ARHGAP21: variants seen among roughly 807,000 people sequenced by gnomAD.
ARHGAP21 encodes the protein Rho GTPase activating protein 21, also known as rho GTPase-activating protein 21.
Under a neutral mutation model 164.6 loss-of-function variants are expected in ARHGAP21, and 38 were observed. That is an observed-to-expected ratio of 0.23 (90% confidence interval 0.18 to 0.30). The LOEUF (loss-of-function observed/expected upper bound fraction) is 0.30. Ranked by LOEUF, ARHGAP21 falls within the 10% of genes least tolerant of loss-of-function variation. ARHGAP21 has a pLI of 1.00. For synonymous variants in ARHGAP21, 766 were observed against 857.9 expected (o/e 0.89, Z 1.87); for missense variants, 1,822 against 2,370.7 (o/e 0.77, Z 4.81).
At chr10:24,673,949 A>T (rs893666434) in intron 2 of ARHGAP21, among the ~76,000 whole-genome samples, 4 of 152,260 alleles carry the variant, frequency 2.6e-5, no homozygotes, top group Non-Finnish European at 4.4e-5. Flanking sequence ...GAAAATCTTT[A>T]TGAACTTAGG....
chr10:24,663,303 G>T (rs1232960526), intron 4 of ARHGAP21, among the ~76,000 whole-genome samples: 1 of 152,278 alleles, frequency 6.6e-6, no homozygotes, highest in Non-Finnish European at 1.5e-5. Flanking sequence ...AACTATAGCA[G>T]TAACTCAATT....
At chr10:24,606,700 C>G (rs926073132) in intron 11 of ARHGAP21, among the ~76,000 whole-genome samples, 8 of 152,026 alleles carry the variant, frequency 5.3e-5, no homozygotes, top group Non-Finnish European at 8.8e-5. Flanking sequence ...AAGATACAAA[C>G]TTAGGTGGCA....
chr10:24,629,901 T>G (rs1284873730), intron 7 of ARHGAP21, 95 bp downstream of exon 7: 3 of 912,364 alleles, frequency 3.3e-6, no homozygotes, highest in Non-Finnish European at 5.3e-6. Context: ...TTCTAGAATT[T>G]TTTTTAAATT....
intron 2 of ARHGAP21, among the ~76,000 whole-genome samples, chr10:24,716,828 C>A (rs1451698773): frequency 6.6e-6 from 1 of 152,128 alleles, no homozygotes; most frequent in African/African-American, 2.4e-5. Flanking sequence ...GATGCCTGGC[C>A]TGGAAGGATG....
chr10:24,634,944 A>G, intron 5 of ARHGAP21, 67 bp downstream of exon 5: 1 of 1,228,350 alleles, frequency 8.1e-7, no homozygotes, highest in Non-Finnish European at 1.1e-6. Context: ...AATATCGAAC[A>G]TGAAATATGG....
chr10:24,611,970 T>C (rs2077281705), intron 9 of ARHGAP21, among the ~76,000 whole-genome samples: 2 of 152,230 alleles, frequency 1.3e-5, no homozygotes, highest in South Asian at 4.2e-4. Flanking sequence ...TAACACCCAA[T>C]GTCCACTGTT....
intron 2 of ARHGAP21, among the ~76,000 whole-genome samples, chr10:24,686,120 TATAA>T (rs1842184102): frequency 1.3e-5 from 2 of 151,940 alleles, no homozygotes; most frequent in Non-Finnish European, 1.5e-5. Flanking sequence ...CATTCCAAGG[TATAA>T]ATAACTCAAA....
rs1845987678 is a variant in ARHGAP21, at chr10:24,722,053, G to C, written c.-154C>G. On this transcript the variant is annotated 5_prime_UTR_variant, in exon 2 of 26. Coordinates refer to ENST00000396432, the MANE Select transcript of ARHGAP21 (RefSeq NM_020824.4). Reference sequence around the variant, plus strand: ...ACAGACAACGTGCCAGGGAATAAAGGTTTTCAGGAAGCGCCTTCAAATGCC... The same window carrying C: ...ACAGACAACGTGCCAGGGAATAAAGCTTTTCAGGAAGCGCCTTCAAATGCC... 7.9e-6 allele frequency: 6 copies of C among 762,202 alleles called. No individual in the cohort carries two copies. Among genetic ancestry groups the C allele is most frequent in the Non-Finnish European group, 1.3e-5 (6 of 451,476 alleles). The allele number at this position is 762,202 out of a possible 1,614,324, so 47.2% of individuals were successfully genotyped here.
chr10:24,701,538 C>CTT (rs1593337042), intron 2 of ARHGAP21, among the ~76,000 whole-genome samples: 1 of 152,094 alleles, frequency 6.6e-6, no homozygotes, highest in East Asian at 1.9e-4. Flanking sequence ...GAAAGCAAAG[C>CTT]AGCAGGCTAT....
chr10:24,647,931 G>A (rs1342302984), intron 4 of ARHGAP21, among the ~76,000 whole-genome samples: 1 of 152,154 alleles, frequency 6.6e-6, no homozygotes, highest in African/African-American at 2.4e-5. Flanking sequence ...TCTGCCTCTT[G>A]GGTTCAAGTG....
At chr10:24,679,128 A>G (rs895087950) in intron 2 of ARHGAP21, among the ~76,000 whole-genome samples, 1 of 152,250 alleles carries the variant, frequency 6.6e-6, no homozygotes, top group African/African-American at 2.4e-5. Context: ...TAAATGTCCA[A>G]GAGTGCTACT....
In ARHGAP21 at chr10:24,715,305, C is replaced by T. The variant is rs930194987; in HGVS notation, c.63+6532G>A. On this transcript the variant is annotated intron_variant, in intron 2 of 25. Transcript: ENST00000396432. Reference sequence around the variant, plus strand: ...ACAACTGTTAACATTTCATCACGGTCAATGTTTGTGATCTTTTTTTAACTG... The same window carrying T: ...ACAACTGTTAACATTTCATCACGGTTAATGTTTGTGATCTTTTTTTAACTG... Among the ~76,000 whole-genome samples the T allele has an allele frequency of 2.6e-5, 4 of 152,024 alleles. No individual in the cohort carries two copies. The East Asian group carries it at 7.7e-4, about 29-fold the overall frequency.
intron 4 of ARHGAP21, among the ~76,000 whole-genome samples, chr10:24,641,401 A>G (rs998361392): frequency 7.9e-5 from 12 of 152,146 alleles, no homozygotes; most frequent in Non-Finnish European, 1.8e-4. Context: ...TGCAGGTGAC[A>G]GCTAGCACTT....
intron 2 of ARHGAP21, among the ~76,000 whole-genome samples, chr10:24,686,135 T>C (rs1342192021): frequency 6.6e-6 from 1 of 152,080 alleles, no homozygotes; most frequent in East Asian, 1.9e-4. Context: ...ATAACTCAAA[T>C]TGGAAACTAC....
At chr10:24,698,593 T>C (rs1047276974) in intron 2 of ARHGAP21, among the ~76,000 whole-genome samples, 7 of 152,180 alleles carry the variant, frequency 4.6e-5, no homozygotes, top group Admixed American at 2.0e-4. Context: ...ATTTCCATTT[T>C]CTCTTTCTTA....
chr10:24,612,724 G>C (rs1034441652), intron 9 of ARHGAP21, among the ~76,000 whole-genome samples: 2 of 152,092 alleles, frequency 1.3e-5, no homozygotes, highest in South Asian at 4.1e-4. Flanking sequence ...GTGTGGTGGC[G>C]GACGCCTATA....
chr10:24,615,281 A>G (rs1261860113), intron 9 of ARHGAP21, among the ~76,000 whole-genome samples: 1 of 152,184 alleles, frequency 6.6e-6, no homozygotes, highest in Non-Finnish European at 1.5e-5. Flanking sequence ...TTGTTAACGA[A>G]CTCGACACTT....
chr10:24,676,269 T>C (rs1841231522), intron 2 of ARHGAP21, among the ~76,000 whole-genome samples: 1 of 152,248 alleles, frequency 6.6e-6, no homozygotes, highest in African/African-American at 2.4e-5. Context: ...AGATTCTATT[T>C]TGAGTCTATC....
Position 24,620,040 on chromosome 10 carries a change from C to G in ARHGAP21, c.1855G>C (p.Val619Leu). ...TTCAGAGAATTACTTCGGACTTTCA[C>G]AAGAGGTGACCTGTCTTGTGAAATA... ...RGISQDRSPL[V>L]KVRSNSLKAP... Residue 619 changes from valine (V) to leucine (L), a missense_variant, in exon 9 of 26, where the codon GTG becomes CTG. Around this residue, in one of 5 missense-constraint regions of ARHGAP21, gnomAD observed 1,090 missense variants for 1,378.9 expected, o/e 0.79. Transcript: ENST00000396432. 6.2e-7 allele frequency: 1 copy of G among 1,613,942 alleles called. No homozygotes were observed. Among genetic ancestry groups the G allele is most frequent in the Non-Finnish European group, 8.5e-7 (1 of 1,179,856 alleles).
Sources: allele counts gnomAD v4.1 joint callset (sites outside exome capture counted in the v4.1 genomes callset), GRCh38; gene constraint gnomAD v4.1.1; regional missense constraint gnomAD v4.1.1; transcripts MANE v1.5; gene names NCBI Gene and HGNC (gene_info 2026-07-23, HGNC 2026-07-21).